The following SLC35E1 variants were observed in gnomAD, a reference collection of about 807,000 sequenced individuals.
SLC35E1 encodes solute carrier family 35, member E1.
In SLC35E1, 12 loss-of-function variants were observed where a neutral mutation model predicts 31.0. The ratio of observed to expected loss-of-function variants is 0.39; its 90% CI spans 0.25 to 0.63. The LOEUF (loss-of-function observed/expected upper bound fraction) is 0.63. SLC35E1 is among the 20% of genes least tolerant of loss of function. SLC35E1 has a pLI of 0.52. For synonymous variants in SLC35E1, 257 were observed against 264.1 expected, an observed-to-expected ratio of 0.97 and a Z score of 0.26; for missense variants, 429 against 572.2, an observed-to-expected ratio of 0.75 and a Z score of 2.55.
intron 4 of SLC35E1, among the ~76,000 whole-genome samples, chr19:16,561,412 G>C (rs1452448980): frequency 6.6e-6 from 1 of 151,982 alleles, no homozygotes; most frequent in Non-Finnish European, 1.5e-5. Context: ...GACACAGGAG[G>C]AAGAAGAATG....
chr19:16,560,599 C>T (rs1237892517), intron 4 of SLC35E1, among the ~76,000 whole-genome samples: 1 of 152,100 alleles, frequency 6.6e-6, no homozygotes, highest in Non-Finnish European at 1.5e-5. Context: ...TGCCGGCTGG[C>T]GCCTGTAATC....
At chr19:16,561,354 A>T (rs1042550062) in intron 4 of SLC35E1, among the ~76,000 whole-genome samples, 1 of 151,118 alleles carries the variant, frequency 6.6e-6, no homozygotes, top group African/African-American at 2.4e-5. Flanking sequence ...CTCTGTTCTC[A>T]TTCAGTGCCC....
chr19:16,559,608 G>C (rs538491513), intron 4 of SLC35E1, among the ~76,000 whole-genome samples: 4 of 151,208 alleles, frequency 2.6e-5, no homozygotes, highest in African/African-American at 9.7e-5. Context: ...AGCTGTGATT[G>C]TACCACTGCA....
In SLC35E1 at chr19:16,561,213, CAAAAAAAAAAAAAAA is replaced by C. The variant is rs59176175; in HGVS notation, c.756+5304_756+5318del. Among the ~76,000 whole-genome samples the C allele has an allele frequency of 8.9e-4, 22 of 24,744 alleles. No individual in the cohort carries two copies. In the South Asian group the frequency reaches 0.023, roughly 26 times the overall value. The allele number at this position is 24,744 out of a possible 152,430, so 16.2% of individuals were successfully genotyped here. On this transcript the variant is annotated intron_variant, in intron 4 of 5. Transcript: ENST00000595753. ...TGGGCAACAGATCAAGACTCCATCT[CAAAAAAAAAAAAAAA>C]AAAAAAAAAAAAAAAGAAAGAAAAG...
intron 3 of SLC35E1, among the ~76,000 whole-genome samples, chr19:16,567,306 C>A (rs1370533901): frequency 2.0e-5 from 3 of 152,026 alleles, no homozygotes; most frequent in Non-Finnish European, 2.9e-5. Flanking sequence ...TAGATGTGAG[C>A]CACTGCACTA....
chr19:16,558,660 G>A (rs755827090), intron 4 of SLC35E1, among the ~76,000 whole-genome samples: 1 of 151,944 alleles, frequency 6.6e-6, no homozygotes, highest in Admixed American at 6.6e-5. Context: ...ATTGTCTTCT[G>A]ATCTAATTTC....
chr19:16,569,716 C>A (rs560205071), intron 2 of SLC35E1, among the ~76,000 whole-genome samples: 1 of 152,172 alleles, frequency 6.6e-6, no homozygotes, highest in African/African-American at 2.4e-5. Flanking sequence ...AGTGATGGAA[C>A]GCGCCTGCAA....
intron 4 of SLC35E1, among the ~76,000 whole-genome samples, chr19:16,564,728 C>G (rs2085923438): frequency 6.6e-6 from 1 of 152,220 alleles, no homozygotes; most frequent in South Asian, 2.1e-4. Flanking sequence ...ACCCTCAACT[C>G]TGGTCAACAT....
In SLC35E1 at chr19:16,553,752, A is replaced by G; in HGVS notation, c.1160T>C (p.Ile387Thr). The G allele has an allele frequency of 6.2e-7, 1 of 1,611,848 alleles. No homozygotes were observed. The highest frequency in any genetic ancestry group is 8.5e-7 in the Non-Finnish European group (1 of 1,178,784). The change falls in exon 6 of 6, where the codon ATC (isoleucine) becomes ACC (threonine). Residue 387 changes from isoleucine to threonine, a missense_variant. Physicochemically the swap from Ile to Thr is moderately conservative, Grantham distance 89. Coordinates refer to ENST00000595753, the MANE Select transcript of SLC35E1 (RefSeq NM_024881.5). ...GCTGTATTGGAAGTGGTCTGTTAAGATGTTGTTGCGGCCGTACTGATAGTC... is the reference window on the plus strand; with the variant it reads ...GCTGTATTGGAAGTGGTCTGTTAAGGTGTTGTTGCGGCCGTACTGATAGTC... The part of the protein sequence containing the change: ...HGDYQYGRNN[I>T]LTDHFQYSRQ...
chr19:16,564,083 AC>A (rs1214495986), intron 4 of SLC35E1: 1 of 152,152 alleles, frequency 6.6e-6, no homozygotes. Context: ...AACAACAATG[AC>A]CACCCAGCAG....
rs2085939805 is a variant in SLC35E1 at position 16,567,889 on chromosome 19, CAG to C, written c.630+141_630+142del. ...ACTATTTAAAAAGCAAAATGACAAA[CAG>C]AAAATCAGCAGAATGGCAATCAAGA... On this transcript the variant is annotated intron_variant, in intron 3 of 5. Transcript: ENST00000595753. The C allele has an allele frequency of 2.4e-6, 3 of 1,246,524 alleles. No homozygotes were observed. The South Asian group carries it at 4.7e-5, about 20-fold the overall frequency. The allele number at this position is 1,246,524 out of a possible 1,614,324, so 77.2% of individuals were successfully genotyped here. A position where few individuals can be genotyped will look rare whatever the true frequency, so the allele number is the denominator to read the frequency against.
intron 3 of SLC35E1, among the ~76,000 whole-genome samples, chr19:16,567,319 C>A (rs546770237): frequency 1.1e-4 from 17 of 152,062 alleles, no homozygotes; most frequent in Non-Finnish European, 8.8e-5. Flanking sequence ...CTGCACTAGG[C>A]TTCAACAAGT....
At chr19:16,557,397 G>A (rs1252188891) in intron 4 of SLC35E1, among the ~76,000 whole-genome samples, 2 of 152,098 alleles carry the variant, frequency 1.3e-5, no homozygotes, top group Non-Finnish European at 2.9e-5. Flanking sequence ...GTTTCACCGT[G>A]TTAGCCAGGA....
chr19:16,562,831 C>A (rs2085913848), intron 4 of SLC35E1, among the ~76,000 whole-genome samples: 1 of 152,144 alleles, frequency 6.6e-6, no homozygotes, highest in South Asian at 2.1e-4. Context: ...ACCTCAGGCT[C>A]CCAAGTAGCT....
chr19:16,565,245 T>C lies in SLC35E1; in HGVS notation c.756+1287A>G. The C allele has an allele frequency of 7.4e-6, 3 of 404,974 alleles. No individual in the cohort carries two copies. The East Asian group carries it at 2.2e-4, about 29-fold the overall frequency. 25.1% of individuals were successfully genotyped at this position (404,974 alleles called of 1,614,324 possible). ...TTTTTTTTGAGACGGAGCTTCACAC[T>C]TGTTGCCCAGGCTGGAGTGCAGTGG... On this transcript the variant is annotated intron_variant, in intron 4 of 5. Coordinates refer to ENST00000595753, the MANE Select transcript of SLC35E1 (RefSeq NM_024881.5).
At chr19:16,563,494 A>T (rs1217914967) in intron 4 of SLC35E1, among the ~76,000 whole-genome samples, 1 of 152,168 alleles carries the variant, frequency 6.6e-6, no homozygotes, top group Non-Finnish European at 1.5e-5. Flanking sequence ...GGGAGAGTAC[A>T]GGAATCATGA....
In SLC35E1 at chr19:16,571,927, C is replaced by T. The variant is rs2085961268; in HGVS notation, c.421+17G>A. On this transcript the variant is annotated intron_variant, in intron 1 of 5. Coordinates refer to ENST00000595753, the MANE Select transcript of SLC35E1 (RefSeq NM_024881.5). ...GCGGGCCCGGCCGCCGCCCCCGAGG[C>T]CGGGCGCGGAACCTACCGGTGTGTG... 4 of 1,533,576 alleles carry T rather than the reference C, an allele frequency of 2.6e-6. No homozygotes were observed. The East Asian group carries it at 9.9e-5, about 38-fold the overall frequency. 95.0% of individuals were successfully genotyped at this position (1,533,576 alleles called of 1,614,324 possible). A position where few individuals can be genotyped will look rare whatever the true frequency, so the allele number is the denominator to read the frequency against.
At chr19:16,568,798 C>A (rs1455219734) in intron 2 of SLC35E1, among the ~76,000 whole-genome samples, 2 of 152,220 alleles carry the variant, frequency 1.3e-5, no homozygotes, top group Admixed American at 1.3e-4. Context: ...TCCCAAAGTA[C>A]TGGGATTACA....
In SLC35E1 at chr19:16,553,703, G is replaced by C; in HGVS notation, c.1209C>G (p.Tyr403Ter). The change falls in exon 6 of 6, where the codon TAC (tyrosine) becomes TAG (stop). Residue 403 changes from tyrosine (Y) to a stop codon, truncating the protein, a stop_gained. Transcript: ENST00000595753. LOFTEE classifies it high-confidence loss of function. ...QYSRQSYPNS[Y>*]SLNRYDV ...TCTACACATCATAGCGGTTCAAACT[G>C]TACGAGTTTGGGTAGCTCTGCCGGC... is the stretch of plus-strand genomic sequence containing the variant. The C allele has an allele frequency of 1.3e-6, 2 of 1,583,240 alleles. No homozygotes were observed. The highest frequency in any genetic ancestry group is 1.7e-6 in the Non-Finnish European group (2 of 1,160,948).
Sources: gnomAD v4.1 joint callset for allele counts (sites outside exome capture counted in the v4.1 genomes callset) on GRCh38, gnomAD v4.1.1 for gene constraint, MANE v1.5 for transcripts, NCBI Gene and HGNC (gene_info 2026-07-23, HGNC 2026-07-21) for gene names.